Variants in ADGRG6 observed in about 807,000 individuals in gnomAD.
The protein encoded by ADGRG6 is G-protein coupled receptor 126.
A neutral mutation model predicts 142.4 loss-of-function variants in ADGRG6; 84 were observed. That is an observed-to-expected ratio of 0.59 (90% CI 0.49 to 0.71). The LOEUF (loss-of-function observed/expected upper bound fraction) is 0.71. Ranked by LOEUF, ADGRG6 falls within the 30% of genes least tolerant of loss-of-function variation. The probability of loss-of-function intolerance (pLI) is 0.00; values close to 1 mark genes in which losing one functional copy is unlikely to be tolerated. For missense variants in ADGRG6, 1,367 were observed against 1,466.6 expected (o/e 0.93, Z 1.11); for synonymous variants, 521 against 520.5 (o/e 1.00, Z -0.01).
At chr6:142,404,201 G>A (rs1775680951) in intron 14 of ADGRG6, 2 of 492,320 alleles carry the variant, frequency 4.1e-6, no homozygotes, top group African/African-American at 4.0e-5. Flanking sequence ...TTCTACAAGA[G>A]GGGTTACTGG....
Position 142,416,029 on chromosome 6 carries a change from GC to G in ADGRG6, c.2905del (p.Arg969AspfsTer4). On this transcript the variant is annotated frameshift_variant, in exon 20 of 25. Transcript: ENST00000367609. LOFTEE classifies it high-confidence loss of function. ...ALVKVFNTYIRRYILKFCIIG... is the reference protein window; with the variant it reads ...ALVKVFNTYIXRYILKFCIIG... ...GTTAAAGTATTTAACACTTACATTC[GC>G]CGATACATTCTAAAATTCTGCATCA... is the stretch of plus-strand genomic sequence containing the variant. 6.2e-7 allele frequency: 1 copy of G among 1,612,630 alleles called. No individual in the cohort carries two copies. The highest frequency in any genetic ancestry group is 8.5e-7 in the Non-Finnish European group (1 of 1,179,058).
chr6:142,377,541 G>A (rs1781562230), intron 4 of ADGRG6, among the ~76,000 whole-genome samples: 1 of 152,224 alleles, frequency 6.6e-6, no homozygotes, highest in Admixed American at 6.5e-5. Context: ...TATCTGCCTA[G>A]ACATTTGGCT....
rs1424646744 is a variant in ADGRG6, at chr6:142,440,815, C to G, written c.3574+2451C>G. On this transcript the variant is annotated intron_variant, in intron 24 of 24. Coordinates refer to ENST00000367609, the MANE Select transcript of ADGRG6 (RefSeq NM_198569.3). ...GAACAGTTAGCATCCTGGGATCACT[C>G]AAGGTATGCAAAACGTCACTGCATA... 3.6e-5 allele frequency: 24 copies of G among 672,836 alleles called. No individual in the cohort carries two copies. The East Asian group carries it at 6.8e-4, about 19-fold the overall frequency. 41.7% of individuals were successfully genotyped at this position (672,836 alleles called of 1,614,324 possible).
chr6:142,417,887 C>G (rs890991728), intron 21 of ADGRG6, among the ~76,000 whole-genome samples: 5 of 152,034 alleles, frequency 3.3e-5, no homozygotes, highest in African/African-American at 1.2e-4. Flanking sequence ...TATTAGTCCA[C>G]CATGGGTACT....
chr6:142,334,609 C>T (rs1170767056), intron 2 of ADGRG6, among the ~76,000 whole-genome samples: 1 of 152,110 alleles, frequency 6.6e-6, no homozygotes, highest in Non-Finnish European at 1.5e-5. Flanking sequence ...AATGAGCTTC[C>T]TGTCACTGGA....
chr6:142,374,346 C>T (rs530081247), intron 4 of ADGRG6, among the ~76,000 whole-genome samples: 1 of 152,284 alleles, frequency 6.6e-6, no homozygotes, highest in South Asian at 2.1e-4. Flanking sequence ...TGTTCCTGTT[C>T]ATTTACATTT....
chr6:142,408,697 A>G (rs118155380), intron 16 of ADGRG6, among the ~76,000 whole-genome samples: 5,126 of 152,238 alleles, frequency 0.034, 129 homozygotes, highest in Non-Finnish European at 0.047. Flanking sequence ...AGAGGTTAGC[A>G]GTGGTTAGTC....
chr6:142,396,425 A>T (rs1775199586), intron 9 of ADGRG6, among the ~76,000 whole-genome samples: 1 of 152,156 alleles, frequency 6.6e-6, no homozygotes. Context: ...TATTCCTTGA[A>T]ATTAGCACAG....
intron 2 of ADGRG6, among the ~76,000 whole-genome samples, chr6:142,347,638 T>C (rs1779971492): frequency 6.6e-6 from 1 of 152,136 alleles, no homozygotes; most frequent in Non-Finnish European, 1.5e-5. Context: ...GATATTACTA[T>C]TGAGCTCTTC....
Position 142,367,669 on chromosome 6 carries a change from G to C in ADGRG6, c.204G>C (p.Met68Ile), listed in dbSNP as rs1781012457. The C allele has an allele frequency of 3.7e-6, 6 of 1,613,772 alleles. No homozygotes were observed. The highest frequency in any genetic ancestry group is 5.1e-6 in the Non-Finnish European group (6 of 1,179,846). ...ACTACCCAAACAGCCAGGCTTGCAT[G>C]TGGACGCTCCGAGCCCCCACCGGTT... is the stretch of plus-strand genomic sequence containing the variant. Reference protein sequence around the residue: ...PNDYPNSQACMWTLRAPTGYI... With the variant: ...PNDYPNSQACIWTLRAPTGYI... The change falls in exon 3 of 25, where the codon ATG (methionine) becomes ATC (isoleucine). Residue 68 changes from methionine (M) to isoleucine (I), a missense_variant. This residue lies in a region of ADGRG6 where 737 missense variants were observed against 746.5 expected (regional missense o/e 0.99). Transcript: ENST00000367609.
At chr6:142,416,167 G>T (rs967450200) in intron 20 of ADGRG6, 103 bp downstream of exon 20, 1 of 797,192 alleles carries the variant, frequency 1.3e-6, no homozygotes, top group South Asian at 1.9e-5. Context: ...CCATTAAGAG[G>T]AACCTCAAAA....
chr6:142,442,571 T>C (rs1230542257), intron 24 of ADGRG6, among the ~76,000 whole-genome samples: 1 of 152,064 alleles, frequency 6.6e-6, no homozygotes, highest in Non-Finnish European at 1.5e-5. Context: ...ATTAGTGCTG[T>C]TAGCAATAAC....
At chr6:142,422,549 T>C (rs1330426360) in intron 22 of ADGRG6, among the ~76,000 whole-genome samples, 1 of 152,138 alleles carries the variant, frequency 6.6e-6, no homozygotes, top group African/African-American at 2.4e-5. Context: ...CACATTTTCT[T>C]AATCCAGTCT....
intron 2 of ADGRG6, among the ~76,000 whole-genome samples, chr6:142,318,212 A>ATT (rs1562307480): frequency 8.6e-5 from 3 of 34,978 alleles, no homozygotes; most frequent in African/African-American, 7.1e-4. Flanking sequence ...ATATATATTT[A>ATT]TATATTATAT....
At chr6:142,393,075 A>G in intron 8 of ADGRG6, 75 bp downstream of exon 8, 2 of 770,586 alleles carry the variant, frequency 2.6e-6, no homozygotes, top group South Asian at 1.6e-5. Flanking sequence ...CTCTGATTGT[A>G]CCAAAATATA....
At chr6:142,361,602 C>T (rs1319625391) in intron 2 of ADGRG6, among the ~76,000 whole-genome samples, 1 of 152,122 alleles carries the variant, frequency 6.6e-6, no homozygotes, top group African/African-American at 2.4e-5. Context: ...TTAGTATAAA[C>T]ACTGTGTGAA....
chr6:142,440,348 G>A (rs1035963363), intron 24 of ADGRG6, among the ~76,000 whole-genome samples: 1 of 151,836 alleles, frequency 6.6e-6, no homozygotes, highest in Admixed American at 6.6e-5. Flanking sequence ...TGGAGTGCAA[G>A]GGCACACTCA....
In ADGRG6 at chr6:142,382,057, T is replaced by A. The variant is rs114655730; in HGVS notation, c.1138+38T>A. ...CACCGTGCTCTGGAATCTCTTTGCT[T>A]TCTACTTGCAATTTTGGGTAATGTG... is the stretch of plus-strand genomic sequence containing the variant. On this transcript the variant is annotated intron_variant, in intron 5 of 24. Transcript: ENST00000367609. 3,537 of 1,262,932 alleles carry A rather than the reference T, an allele frequency of 2.8e-3. 67 individuals carry two copies. The African/African-American group carries it at 0.04, about 14-fold the overall frequency. The allele number at this position is 1,262,932 out of a possible 1,614,324, so 78.2% of individuals were successfully genotyped here.
At chr6:142,349,709 A>G (rs1448864471) in intron 2 of ADGRG6, among the ~76,000 whole-genome samples, 1 of 152,228 alleles carries the variant, frequency 6.6e-6, no homozygotes, top group Non-Finnish European at 1.5e-5. Context: ...TCACTAATCC[A>G]TAGAGTAAAC....
Sources: gnomAD v4.1 joint callset for allele counts (sites outside exome capture counted in the v4.1 genomes callset) on GRCh38, gnomAD v4.1.1 for gene constraint, gnomAD v4.1.1 regional missense constraint, MANE v1.5 for transcripts, NCBI Gene and HGNC (gene_info 2026-07-23, HGNC 2026-07-21) for gene names.